The following NNT variants were observed in gnomAD, a reference collection of about 807,000 sequenced individuals.
The protein encoded by NNT is nicotinamide nucleotide transhydrogenase.
NNT carries 50 observed loss-of-function variants against 104.8 expected under a neutral mutation model. The observed-to-expected ratio is 0.48, with a 90% CI of 0.38 to 0.60. The LOEUF is 0.60. Ranked by LOEUF, NNT falls within the 20% of genes least tolerant of loss-of-function variation. The probability of loss-of-function intolerance (pLI) is 0.00; values close to 1 mark genes in which losing one functional copy is unlikely to be tolerated. For missense variants in NNT, 1,131 were observed against 1,330.7 expected (o/e 0.85, Z 2.33); for synonymous variants, 461 against 490.4 (o/e 0.94, Z 0.79).
intron 7 of NNT, among the ~76,000 whole-genome samples, chr5:43,632,053 C>T (rs919952305): frequency 6.6e-6 from 1 of 151,462 alleles, no homozygotes; most frequent in African/African-American, 2.4e-5. Context: ...AAAGATCTTT[C>T]CTATCTCTGG....
intron 20 of NNT, among the ~76,000 whole-genome samples, chr5:43,700,822 C>G (rs1742812874): frequency 6.6e-6 from 1 of 152,216 alleles, no homozygotes; most frequent in Non-Finnish European, 1.5e-5. Context: ...AACCACTTCC[C>G]TCTGGCAAAT....
rs1425096045 is a variant in NNT, at chr5:43,671,759, G to A, written c.2635-3752G>A. 3.3e-5 allele frequency among the ~76,000 whole-genome samples: 5 copies of A among 151,960 alleles called. No homozygotes were observed. The East Asian group carries it at 9.7e-4, about 29-fold the overall frequency. The stretch of plus-strand genomic sequence containing the variant: ...ACTTTGGTGAATGTGACAATTATGT[G>A]TCTTGGAGTTGCTCTTCTTGAGGAG... On this transcript the variant is annotated intron_variant, in intron 17 of 21. Transcript: ENST00000344920.
chr5:43,622,864 G>GT (rs1750167956), intron 5 of NNT, among the ~76,000 whole-genome samples: 10 of 148,448 alleles, frequency 6.7e-5, no homozygotes, highest in African/African-American at 2.5e-4. Flanking sequence ...TTTAAATTAT[G>GT]GTTTTTTTTT....
chr5:43,624,907 A>G (rs940084302), intron 6 of NNT, among the ~76,000 whole-genome samples: 2 of 152,232 alleles, frequency 1.3e-5, no homozygotes, highest in African/African-American at 4.8e-5. Context: ...ATCAAAAAAG[A>G]AAAAAGCAAC....
intron 7 of NNT, among the ~76,000 whole-genome samples, chr5:43,643,652 GTC>G (rs1340148661): frequency 1.3e-5 from 2 of 152,128 alleles, no homozygotes; most frequent in African/African-American, 4.8e-5. Context: ...GCATTTTCCT[GTC>G]TCTCCTCAAA....
chr5:43,638,858 CTTAA>C (rs903904613), intron 7 of NNT, among the ~76,000 whole-genome samples: 48 of 151,662 alleles, frequency 3.2e-4, no homozygotes, highest in African/African-American at 9.2e-4. Context: ...GTGGTTTCTT[CTTAA>C]TTAATTAATT....
At chr5:43,609,433 T>G (rs1749393068) in intron 2 of NNT, 87 bp downstream of exon 2, 2 of 1,309,376 alleles carry the variant, frequency 1.5e-6, no homozygotes, top group Non-Finnish European at 2.1e-6. Context: ...AAAAGCCATG[T>G]AGTTTTATGG....
In NNT at chr5:43,656,944, A is replaced by G. The variant is rs1740086744; in HGVS notation, c.2454+131A>G. On this transcript the variant is annotated intron_variant, in intron 16 of 21. Coordinates refer to ENST00000344920, the MANE Select transcript of NNT (RefSeq NM_182977.3). ...TAAAAATGTTTTAAAATTACGTCAC[A>G]TGTGCATCTTTTTAGAATCTGGAAA... The G allele has an allele frequency of 1.2e-5, 10 of 805,588 alleles. No homozygotes were observed. The South Asian group carries it at 1.6e-4, about 13-fold the overall frequency. 49.9% of individuals were successfully genotyped at this position (805,588 alleles called of 1,614,324 possible). A position where few individuals can be genotyped will look rare whatever the true frequency, so the allele number is the denominator to read the frequency against.
At chr5:43,680,408 C>T (rs942801718) in intron 19 of NNT, among the ~76,000 whole-genome samples, 2 of 152,122 alleles carry the variant, frequency 1.3e-5, no homozygotes, top group African/African-American at 4.8e-5. Context: ...GGAGCTCCCA[C>T]GGTGTTCATT....
chr5:43,694,750 G>GTGTGTA (rs1554055732), intron 19 of NNT, among the ~76,000 whole-genome samples: 1 of 147,464 alleles, frequency 6.8e-6, no homozygotes, highest in Non-Finnish European at 1.5e-5. Context: ...GTGTGTGTGT[G>GTGTGTA]TGTGTGTGTG....
At chr5:43,618,633 C>A (rs13358229) in intron 4 of NNT, among the ~76,000 whole-genome samples, 2,002 of 152,284 alleles carry the variant, frequency 0.013, 40 homozygotes, top group African/African-American at 0.041. Flanking sequence ...TCCTATCTTT[C>A]TTTCATTACA....
At chr5:43,699,998 A>G (rs1355652510) in intron 19 of NNT, 121 bp from the exon 20 acceptor site, 5 of 678,100 alleles carry the variant, frequency 7.4e-6, no homozygotes, top group Non-Finnish European at 1.3e-5. Flanking sequence ...TAGAGATCAG[A>G]TAGTACCAGA....
At chr5:43,616,288 G>A (rs1300551627) in intron 4 of NNT, among the ~76,000 whole-genome samples, 1 of 152,134 alleles carries the variant, frequency 6.6e-6, no homozygotes, top group African/African-American at 2.4e-5. Context: ...ATGAGTAGAA[G>A]AGTAGTAATG....
intron 3 of NNT, 136 bp from the exon 4 acceptor site, chr5:43,615,712 A>T (rs748451772): frequency 2.5e-4 from 183 of 738,914 alleles, no homozygotes; most frequent in Non-Finnish European, 3.7e-4. Flanking sequence ...TTAAGAATTT[A>T]GTCAGAAATT....
chr5:43,690,804 G>A (rs879031621), intron 19 of NNT, among the ~76,000 whole-genome samples: 1 of 152,014 alleles, frequency 6.6e-6, no homozygotes, highest in Admixed American at 6.6e-5. Context: ...ATTGAACTGG[G>A]GGTTATGCAT....
intron 19 of NNT, among the ~76,000 whole-genome samples, chr5:43,679,898 T>G (rs1019775681): frequency 5.3e-5 from 8 of 151,882 alleles, no homozygotes; most frequent in Non-Finnish European, 7.4e-5. Context: ...AATAATTTAT[T>G]ATGTAGGATC....
chr5:43,621,874 A>T (rs1385117157), intron 5 of NNT, among the ~76,000 whole-genome samples: 1 of 152,198 alleles, frequency 6.6e-6, no homozygotes, highest in Non-Finnish European at 1.5e-5. Flanking sequence ...GGATTCCAGT[A>T]TTTAGGTTCT....
intron 19 of NNT, among the ~76,000 whole-genome samples, chr5:43,680,402 C>A (rs946865692): frequency 2.0e-5 from 3 of 152,112 alleles, no homozygotes; most frequent in African/African-American, 7.2e-5. Context: ...CTCTGTGGAG[C>A]TCCCACGGTG....
chr5:43,635,290 G>A (rs1479824426), intron 7 of NNT, among the ~76,000 whole-genome samples: 2 of 152,076 alleles, frequency 1.3e-5, no homozygotes, highest in Non-Finnish European at 2.9e-5. Flanking sequence ...TTTGGGATTC[G>A]GGTTAGGACA....
Sources: allele counts gnomAD v4.1 joint callset (sites outside exome capture counted in the v4.1 genomes callset), GRCh38; gene constraint gnomAD v4.1.1; transcripts MANE v1.5; gene names NCBI Gene and HGNC (gene_info 2026-07-23, HGNC 2026-07-21).